The following NRXN1 variants were observed in gnomAD, a reference collection of about 807,000 sequenced individuals.
The protein encoded by NRXN1 is neurexin-1.
In NRXN1, 39 loss-of-function variants were observed where a neutral mutation model predicts 150.9. The ratio of observed to expected loss-of-function variants is 0.26; its 90% CI spans 0.20 to 0.34. The LOEUF (loss-of-function observed/expected upper bound fraction) is 0.34, where lower values mean the gene tolerates loss of function less well. Ranked by LOEUF, NRXN1 falls within the 10% of genes least tolerant of loss-of-function variation. NRXN1 has a pLI of 1.00. For synonymous variants in NRXN1, 924 were observed against 757.0 expected (o/e 1.22, Z -3.62); for missense variants, 1,815 against 1,949.9 (o/e 0.93, Z 1.30).
At chr2:50,712,567 C>A (rs1241466149) in intron 5 of NRXN1, among the ~76,000 whole-genome samples, 1 of 152,158 alleles carries the variant, frequency 6.6e-6, no homozygotes, top group Non-Finnish European at 1.5e-5. Context: ...GATACGTTAT[C>A]TCATTTTATT....
chr2:50,444,729 CAT>C (rs1465288967), intron 17 of NRXN1, among the ~76,000 whole-genome samples: 1 of 151,980 alleles, frequency 6.6e-6, no homozygotes, highest in East Asian at 1.9e-4. Context: ...TGATGAATAA[CAT>C]ATCAAAATTT....
At chr2:50,002,073 G>A (rs925843115) in intron 21 of NRXN1, among the ~76,000 whole-genome samples, 1 of 151,920 alleles carries the variant, frequency 6.6e-6, no homozygotes, top group Non-Finnish European at 1.5e-5. Flanking sequence ...TTGCAAGAGG[G>A]CCCTGAGCTC....
At chr2:50,782,226 T>G (rs543108443) in intron 5 of NRXN1, among the ~76,000 whole-genome samples, 1 of 152,202 alleles carries the variant, frequency 6.6e-6, no homozygotes, top group Admixed American at 6.6e-5. Flanking sequence ...TGATACACTT[T>G]GGGAGGCCGA....
chr2:50,443,271 C>T (rs531799777), intron 17 of NRXN1, among the ~76,000 whole-genome samples: 11 of 152,220 alleles, frequency 7.2e-5, no homozygotes, highest in South Asian at 4.1e-4. Context: ...CAGGATAAGA[C>T]AGTAAGCACA....
At chr2:50,090,239 G>T (rs1359843815) in intron 19 of NRXN1, among the ~76,000 whole-genome samples, 2 of 152,158 alleles carry the variant, frequency 1.3e-5, no homozygotes. Flanking sequence ...TTCCACAATT[G>T]TGAGTCAGTA....
intron 8 of NRXN1, among the ~76,000 whole-genome samples, chr2:50,563,251 T>C (rs1669370533): frequency 6.6e-6 from 1 of 152,234 alleles, no homozygotes; most frequent in South Asian, 2.1e-4. Flanking sequence ...TTGAATTACA[T>C]TCCTATTATT....
At chr2:49,956,068 G>A (rs1254489904) in intron 21 of NRXN1, among the ~76,000 whole-genome samples, 3 of 152,064 alleles carry the variant, frequency 2.0e-5, no homozygotes, top group African/African-American at 7.2e-5. Context: ...TGTATTAAGT[G>A]TTCACACTGT....
At chr2:50,862,461 G>C (rs1676278802) in intron 5 of NRXN1, among the ~76,000 whole-genome samples, 1 of 151,950 alleles carries the variant, frequency 6.6e-6, no homozygotes, top group Non-Finnish European at 1.5e-5. Flanking sequence ...CATTTAACTT[G>C]GTACATGGAT....
chr2:50,271,808 T>G (rs2069699927), intron 17 of NRXN1, among the ~76,000 whole-genome samples: 1 of 152,170 alleles, frequency 6.6e-6, no homozygotes, highest in Admixed American at 6.5e-5. Context: ...ACTTTCCTTT[T>G]CCTTCATAAA....
At chr2:50,735,865 C>A (rs936937099) in intron 5 of NRXN1, among the ~76,000 whole-genome samples, 1 of 152,116 alleles carries the variant, frequency 6.6e-6, no homozygotes, top group African/African-American at 2.4e-5. Context: ...GCCAACTTTC[C>A]ATTTTTACTA....
At chr2:50,542,497 G>A (rs753922987) in intron 9 of NRXN1, among the ~76,000 whole-genome samples, 2 of 152,168 alleles carry the variant, frequency 1.3e-5, no homozygotes, top group Non-Finnish European at 2.9e-5. Flanking sequence ...ATCATAGGAT[G>A]AAGAAAATAG....
intron 17 of NRXN1, among the ~76,000 whole-genome samples, chr2:50,257,739 G>C (rs984157456): frequency 2.3e-4 from 35 of 151,932 alleles, no homozygotes; most frequent in Non-Finnish European, 4.7e-4. Flanking sequence ...AGCAAAGAAA[G>C]ATAATTTAAA....
chr2:50,939,016 C>T (rs906617169), intron 2 of NRXN1, among the ~76,000 whole-genome samples: 2 of 151,906 alleles, frequency 1.3e-5, no homozygotes, highest in Admixed American at 6.6e-5. Context: ...TCGAGACCAT[C>T]CTGGTTAACA....
Position 49,921,882 on chromosome 2 carries a change from A to T in NRXN1, c.*62T>A, listed in dbSNP as rs1668265495. The T allele has an allele frequency of 6.6e-7, 1 of 1,523,160 alleles. No homozygotes were observed. Among genetic ancestry groups the T allele is most frequent in the Admixed American group, 1.7e-5 (1 of 58,332 alleles). The allele number at this position is 1,523,160 out of a possible 1,614,324, so 94.4% of individuals were successfully genotyped here. A position where few individuals can be genotyped will look rare whatever the true frequency, so the allele number is the denominator to read the frequency against. On this transcript the variant is annotated 3_prime_UTR_variant, in exon 23 of 23. Transcript: ENST00000401669. Reference sequence around the variant, plus strand: ...CATAAAAAGGAAAGTAAATAAGTTTATATTATGTCTCAGATAAAATGAAGA... The same window carrying T: ...CATAAAAAGGAAAGTAAATAAGTTTTTATTATGTCTCAGATAAAATGAAGA...
intron 17 of NRXN1, among the ~76,000 whole-genome samples, chr2:50,463,248 C>A (rs2088437994): frequency 6.6e-6 from 1 of 151,764 alleles, no homozygotes; most frequent in Non-Finnish European, 1.5e-5. Context: ...CATGCTATTT[C>A]TATTGCTTAT....
intron 5 of NRXN1, among the ~76,000 whole-genome samples, chr2:50,746,399 A>C (rs1173232777): frequency 6.6e-6 from 1 of 151,878 alleles, no homozygotes. Flanking sequence ...ATCTACAAAA[A>C]ATTTTAAAAA....
At chr2:50,158,202 G>T (rs553792694) in intron 18 of NRXN1, among the ~76,000 whole-genome samples, 2 of 151,102 alleles carry the variant, frequency 1.3e-5, no homozygotes, top group African/African-American at 4.9e-5. Context: ...AGCTTAAATA[G>T]AATCCACATC....
Position 49,922,175 on chromosome 2 carries a change from C to T in NRXN1, c.4293G>A (p.Thr1431=), listed in dbSNP as rs369748793. The T allele has an allele frequency of 1.8e-5, 29 of 1,613,986 alleles. No homozygotes were observed. Among genetic ancestry groups the T allele is most frequent in the Admixed American group, 3.3e-5 (2 of 59,992 alleles). ...CGGCTACTATCCCAACGACCATACC[C>T]GTGGTGCTGCTGGACTCCCGGATCA... ...AEVIRESSST[T]GMVVGIVAAA... The change falls in exon 23 of 23, where the codon ACG becomes ACA. Residue 1431 remains threonine, a synonymous_variant. Transcript: ENST00000401669.
intron 17 of NRXN1, among the ~76,000 whole-genome samples, chr2:50,361,732 C>T (rs183912312): frequency 6.6e-6 from 1 of 152,160 alleles, no homozygotes; most frequent in Non-Finnish European, 1.5e-5. Flanking sequence ...AGAGGCACTC[C>T]TCCCTAACTC....
Sources: gnomAD v4.1 joint callset for allele counts (sites outside exome capture counted in the v4.1 genomes callset) on GRCh38, gnomAD v4.1.1 for gene constraint, MANE v1.5 for transcripts, NCBI Gene and HGNC (gene_info 2026-07-23, HGNC 2026-07-21) for gene names.